Variants in SPTBN1 observed in about 807,000 individuals in gnomAD.
The protein encoded by SPTBN1 is spectrin beta, non-erythrocytic 1.
SPTBN1 carries 32 observed loss-of-function variants against 266.4 expected under a neutral mutation model. The observed-to-expected ratio is 0.12, with a 90% CI of 0.09 to 0.16. The LOEUF is 0.16. SPTBN1 is among the 10% of genes least tolerant of loss of function. SPTBN1 has a pLI of 1.00. For missense variants in SPTBN1, 2,296 were observed against 3,067.1 expected (o/e 0.75, Z 5.94); for synonymous variants, 1,336 against 1,162.2 (o/e 1.15, Z -3.04).
At position 54,645,593 on chromosome 2, in the gene SPTBN1, C is replaced by A; in HGVS notation, c.4494+140C>A. On this transcript the variant is annotated intron_variant, in intron 21 of 35. Transcript: ENST00000356805. This position sits in a 1 kb window ranked among gnomAD's most constrained non-coding sequence, Gnocchi z 4.3. ...TGCCAAAGTCCACGCTCTGGATGGTCTAAAGTTTCTTTCCCTTTTCACCCT... is the reference window on the plus strand; with the variant it reads ...TGCCAAAGTCCACGCTCTGGATGGTATAAAGTTTCTTTCCCTTTTCACCCT... The A allele has an allele frequency of 1.2e-6, 1 of 841,036 alleles. No homozygotes were observed. Among genetic ancestry groups the A allele is most frequent in the Non-Finnish European group, 1.8e-6 (1 of 547,232 alleles). 52.1% of individuals were successfully genotyped at this position (841,036 alleles called of 1,614,324 possible).
At chr2:54,639,719 C>G (rs529520505) in intron 18 of SPTBN1, among the ~76,000 whole-genome samples, 1 of 152,370 alleles carries the variant, frequency 6.6e-6, no homozygotes, top group South Asian at 2.1e-4. Context: ...TTTCCACTTG[C>G]TCTAAATGAG....
At chr2:54,574,197 A>T (rs7340250) in intron 2 of SPTBN1, among the ~76,000 whole-genome samples, 1 of 151,990 alleles carries the variant, frequency 6.6e-6, no homozygotes, top group South Asian at 2.1e-4. Context: ...TAATTTCACA[A>T]TCAGAAGAAT....
chr2:54,644,607 G>T (rs768740904), intron 20 of SPTBN1, 21 bp downstream of exon 20: 62 of 1,587,102 alleles, frequency 3.9e-5, no homozygotes, highest in Non-Finnish European at 1.1e-5. Context: ...AAGCCATCAT[G>T]GACTTGGGTG....
chr2:54,634,302 T>TGATA (rs1164347441), intron 17 of SPTBN1, among the ~76,000 whole-genome samples: 4 of 152,204 alleles, frequency 2.6e-5, no homozygotes, highest in African/African-American at 9.7e-5. Context: ...CTCCTGGATA[T>TGATA]GATAAAACGT....
At chr2:54,647,481 A>G (rs1007391284) in intron 24 of SPTBN1, among the ~76,000 whole-genome samples, 2 of 152,160 alleles carry the variant, frequency 1.3e-5, no homozygotes, top group Non-Finnish European at 2.9e-5. Context: ...TGGGTTAAAT[A>G]TCTCCCGTTG....
intron 2 of SPTBN1, among the ~76,000 whole-genome samples, chr2:54,566,979 A>T (rs985725542): frequency 1.3e-5 from 2 of 152,250 alleles, no homozygotes; most frequent in Admixed American, 1.3e-4. Context: ...TTTAAAAAAT[A>T]CAGGGCTTGC....
intron 1 of SPTBN1, among the ~76,000 whole-genome samples, chr2:54,502,526 C>T (rs1278420311): frequency 6.6e-6 from 1 of 152,206 alleles, no homozygotes; most frequent in East Asian, 1.9e-4. Flanking sequence ...AGAGAATACA[C>T]TTTGAAGTGG....
intron 3 of SPTBN1, among the ~76,000 whole-genome samples, chr2:54,604,519 C>G (rs1676707009): frequency 6.6e-6 from 1 of 152,186 alleles, no homozygotes; most frequent in Admixed American, 6.5e-5. Flanking sequence ...GGAGGGATCA[C>G]CCAGCCCCCT....
chr2:54,594,903 C>T (rs1049984670), intron 2 of SPTBN1, among the ~76,000 whole-genome samples: 3 of 138,788 alleles, frequency 2.2e-5, no homozygotes, highest in Admixed American at 7.9e-5. Flanking sequence ...GGCACAATCT[C>T]GGCTCACTGC....
intron 32 of SPTBN1, chr2:54,662,023 C>T (rs1439641781): frequency 1.6e-5 from 16 of 985,406 alleles, no homozygotes; most frequent in Non-Finnish European, 1.8e-5. Context: ...AGCATTGCTT[C>T]GTGCACTTTG....
intron 16 of SPTBN1, among the ~76,000 whole-genome samples, chr2:54,632,244 CAA>C (rs1429484199): frequency 6.6e-6 from 1 of 151,902 alleles, no homozygotes; most frequent in Non-Finnish European, 1.5e-5. Flanking sequence ...GTTACTGTCT[CAA>C]AGAGAGAGTA....
At chr2:54,511,385 T>G (rs1669849881) in intron 1 of SPTBN1, among the ~76,000 whole-genome samples, 1 of 152,214 alleles carries the variant, frequency 6.6e-6, no homozygotes, top group Non-Finnish European at 1.5e-5. Flanking sequence ...AAAATTTTTT[T>G]CTTCGGATTG....
At chr2:54,522,678 G>GA (rs370803474) in intron 1 of SPTBN1, among the ~76,000 whole-genome samples, 2,800 of 76,886 alleles carry the variant, frequency 0.036, 166 homozygotes, top group African/African-American at 0.1. Flanking sequence ...GAGAGAGAGA[G>GA]GAGAGAGAGA....
At chr2:54,473,188 G>A (rs1002740005) in intron 1 of SPTBN1, among the ~76,000 whole-genome samples, 7 of 152,158 alleles carry the variant, frequency 4.6e-5, no homozygotes, top group Non-Finnish European at 8.8e-5. Flanking sequence ...CTGGTTTTAT[G>A]TAAGTGCCTT....
At chr2:54,647,797 C>G (rs1223826881) in intron 24 of SPTBN1, among the ~76,000 whole-genome samples, 1 of 152,146 alleles carries the variant, frequency 6.6e-6, no homozygotes, top group Non-Finnish European at 1.5e-5. Context: ...GAACCATGTT[C>G]ACACTGCTGC....
intron 17 of SPTBN1, 46 bp downstream of exon 17, chr2:54,632,814 C>T (rs752528944): frequency 6.3e-7 from 1 of 1,595,284 alleles, no homozygotes; most frequent in South Asian, 1.1e-5. Flanking sequence ...CCTTGGGGCT[C>T]TCAAACTTCT....
chr2:54,614,401 C>T (rs961345550), intron 4 of SPTBN1, among the ~76,000 whole-genome samples: 2 of 151,822 alleles, frequency 1.3e-5, no homozygotes, highest in African/African-American at 2.4e-5. Context: ...TGTGTGTGTG[C>T]GTGCGTGTGC....
chr2:54,623,854 G>A (rs75564572), intron 10 of SPTBN1, among the ~76,000 whole-genome samples: 3,609 of 152,312 alleles, frequency 0.024, 145 homozygotes, highest in African/African-American at 0.08. Flanking sequence ...TTGCTACTCA[G>A]ATACATATCA....
intron 3 of SPTBN1, 147 bp from the exon 4 acceptor site, chr2:54,612,014 T>G (rs191784819): frequency 2.7e-6 from 2 of 728,732 alleles, no homozygotes; most frequent in Non-Finnish European, 4.2e-6. Flanking sequence ...ATACCGTCCT[T>G]GGACTTAATG....
Sources: gnomAD v4.1 joint callset for allele counts (sites outside exome capture counted in the v4.1 genomes callset) on GRCh38, gnomAD v4.1.1 for gene constraint, Gnocchi (gnomAD v3.1) non-coding constraint, MANE v1.5 for transcripts, NCBI Gene and HGNC (gene_info 2026-07-23, HGNC 2026-07-21) for gene names.